DNHD1: variants seen among roughly 807,000 people sequenced by gnomAD.
DNHD1 encodes the protein dynein heavy chain domain-containing protein 1.
A neutral mutation model predicts 458.1 loss-of-function variants in DNHD1; 383 were observed. The ratio of observed to expected loss-of-function variants is 0.84; its 90% CI spans 0.77 to 0.91. The LOEUF (loss-of-function observed/expected upper bound fraction) is 0.91, where lower values mean the gene tolerates loss of function less well. DNHD1 is among the 40% of genes least tolerant of loss of function. The probability of loss-of-function intolerance (pLI) is 0.00; values close to 1 mark genes in which losing one functional copy is unlikely to be tolerated. For synonymous variants in DNHD1, 2,203 were observed against 2,376.9 expected (o/e 0.93, Z 2.13); for missense variants, 5,336 against 5,866.1 (o/e 0.91, Z 2.95).
At chr11:6,521,985 G>A (rs774793521) in intron 10 of DNHD1, among the ~76,000 whole-genome samples, 1 of 152,144 alleles carries the variant, frequency 6.6e-6, no homozygotes, top group Non-Finnish European at 1.5e-5. Flanking sequence ...GCAAAGTGCT[G>A]GGATTACAGG....
chr11:6,537,703 C>T (rs1052932441), intron 14 of DNHD1, among the ~76,000 whole-genome samples: 6 of 152,100 alleles, frequency 3.9e-5, no homozygotes, highest in South Asian at 2.1e-4. Context: ...GAGGCCGAGG[C>T]GGGCGGATCA....
intron 7 of DNHD1, among the ~76,000 whole-genome samples, chr11:6,513,365 T>C (rs1852386175): frequency 6.6e-6 from 1 of 152,222 alleles, no homozygotes; most frequent in African/African-American, 2.4e-5. Flanking sequence ...CTGGTGCCTC[T>C]TTCATTGATA....
chr11:6,516,095 A>G (rs1428271795), intron 7 of DNHD1, among the ~76,000 whole-genome samples: 2 of 151,688 alleles, frequency 1.3e-5, no homozygotes, highest in African/African-American at 2.4e-5. Flanking sequence ...CCAAGACACA[A>G]TAATTTTTTA....
intron 10 of DNHD1, 78 bp from the exon 11 acceptor site, chr11:6,528,444 C>T: frequency 2.2e-5 from 32 of 1,444,242 alleles, no homozygotes; most frequent in Non-Finnish European, 3.0e-5. Flanking sequence ...TGTACACACA[C>T]TGAGGGCAAG....
chr11:6,557,629 C>G lies in DNHD1; in HGVS notation c.8334C>G (p.Asn2778Lys). ...IRQEKGTRAS[N>K]YRLQVRRSFK... ...AAGAGAAAGGCACAAGGGCATCCAA[C>G]TATAGGCTCCAGGTAAGGAGATCAT... The change falls in exon 25 of 43, where the codon AAC becomes AAG. Residue 2778 changes from asparagine to lysine, a missense_variant. Asn to Lys is a moderately conservative substitution (Grantham distance 94). This residue lies in a region of DNHD1 where 3,932 missense variants were observed against 4,365.6 expected (regional missense o/e 0.90). Coordinates refer to ENST00000254579, the MANE Select transcript of DNHD1 (RefSeq NM_144666.3). 4.5e-6 allele frequency: 7 copies of G among 1,551,782 alleles called. No homozygotes were observed. The highest frequency in any genetic ancestry group is 6.1e-6 in the Non-Finnish European group (7 of 1,147,002).
chr11:6,564,116 C>T lies in DNHD1; in HGVS notation c.10276C>T (p.Gln3426Ter). ...CACGCCTATGCGTGCCTGGACTACA[C>T]AGCTCCAGGTAACCATCCCCCTCCC... ...LLTPMRAWTT[Q>*]LQKLKGRCMT... is the part of the protein sequence containing the mutation. The change falls in exon 31 of 43, where the codon CAG (glutamine) becomes TAG (stop). Residue 3426 changes from glutamine to a stop codon, truncating the protein, a stop_gained. Coordinates refer to ENST00000254579, the MANE Select transcript of DNHD1 (RefSeq NM_144666.3). LOFTEE classifies it high-confidence loss of function. 1 of 1,548,250 alleles carries T rather than the reference C, an allele frequency of 6.5e-7. No individual in the cohort carries two copies.
Position 6,567,192 on chromosome 11 carries a change from C to T in DNHD1, c.11683C>T (p.Arg3895Cys), listed in dbSNP as rs372100617. ...GCAGGCTCTGGACAGCATGAAGCCACGTGAGATTAATCACGGGGAGGACCT... is the reference window on the plus strand; with the variant it reads ...GCAGGCTCTGGACAGCATGAAGCCATGTGAGATTAATCACGGGGAGGACCT... ...TKQALDSMKPREINHGEDLAS... is the reference protein window; with the variant it reads ...TKQALDSMKPCEINHGEDLAS... The change falls in exon 36 of 43, where the codon CGT becomes TGT. Residue 3895 changes from arginine (R) to cysteine (C), a missense_variant. Arg to Cys is a radical substitution (Grantham distance 180, BLOSUM62 -3). Around this residue, in one of 4 missense-constraint regions of DNHD1, gnomAD observed 695 missense variants for 804.2 expected, o/e 0.86. Coordinates refer to ENST00000254579, the MANE Select transcript of DNHD1 (RefSeq NM_144666.3). The T allele has an allele frequency of 1.7e-5, 28 of 1,613,928 alleles. No homozygotes were observed. Among genetic ancestry groups the T allele is most frequent in the African/African-American group, 5.3e-5 (4 of 74,932 alleles).
At chr11:6,518,310 C>T (rs1852533254) in intron 7 of DNHD1, among the ~76,000 whole-genome samples, 1 of 152,202 alleles carries the variant, frequency 6.6e-6, no homozygotes, top group East Asian at 1.9e-4. Context: ...GATCCACCCT[C>T]CTTGGTCTTC....
Position 6,509,241 on chromosome 11 carries a change from C to T in DNHD1, c.1204C>T (p.His402Tyr), listed in dbSNP as rs1308013900. The change falls in exon 6 of 43, where the codon CAC becomes TAC. Residue 402 changes from histidine to tyrosine, a missense_variant. His to Tyr is a moderately conservative substitution (Grantham distance 83). Transcript: ENST00000254579. The part of the protein sequence containing the change: ...LENHLLLAVP[H>Y]FGAGLLHISR... Reference sequence around the variant, plus strand: ...GAATCATCTGCTCTTGGCTGTGCCCCACTTTGGAGCTGGGCTACTCCATAT... The same window carrying T: ...GAATCATCTGCTCTTGGCTGTGCCCTACTTTGGAGCTGGGCTACTCCATAT... The T allele has an allele frequency of 1.9e-6, 3 of 1,614,060 alleles. No individual in the cohort carries two copies. The highest frequency in any genetic ancestry group is 2.5e-6 in the Non-Finnish European group (3 of 1,180,042).
Position 6,566,318 on chromosome 11 carries a change from C to T in DNHD1, c.11131C>T (p.Leu3711=). ...GCAATGGCTGCTGCAACGGGAGCAG[C>T]TGAGTCCACCCCAGGTGCAGCCTGG... ...ELQWLLQREQ[L]SPPQVQPGFC... The change falls in exon 34 of 43, where the codon CTG becomes TTG. Residue 3711 remains leucine, a synonymous_variant. Transcript: ENST00000254579. The T allele has an allele frequency of 1.9e-6, 3 of 1,552,382 alleles. No individual in the cohort carries two copies. The highest frequency in any genetic ancestry group is 2.4e-5 in the East Asian group (1 of 40,940).
In DNHD1 at chr11:6,520,023, T is replaced by C; in HGVS notation, c.1706T>C (p.Leu569Pro). The C allele has an allele frequency of 1.9e-6, 3 of 1,614,224 alleles. No individual in the cohort carries two copies. The South Asian group carries it at 3.3e-5, about 18-fold the overall frequency. ...CTGGTCTTTGATGATCATGGTCAAC[T>C]GTCTCATGTGCCCTGTGTTGAAAAT... ...SQLVFDDHGQ[L>P]SHVPCVENMI... The change falls in exon 9 of 43, where the codon CTG (leucine) becomes CCG (proline). Residue 569 changes from leucine (L) to proline (P), a missense_variant. Coordinates refer to ENST00000254579, the MANE Select transcript of DNHD1 (RefSeq NM_144666.3).
At position 6,571,474 on chromosome 11, in the gene DNHD1, A is replaced by C. The variant is rs1853850531; in HGVS notation, c.13911+51A>C. On this transcript the variant is annotated intron_variant, in intron 42 of 42. Coordinates refer to ENST00000254579, the MANE Select transcript of DNHD1 (RefSeq NM_144666.3). The surrounding 1 kb of genome is among the most constrained non-coding windows in gnomAD (Gnocchi z 5.0). ...CGGTTCCAGTCCCCTCGAAGTCTCT[A>C]ATTACACCTCGCAGTTACCCCTTCT... 2 of 1,500,904 alleles carry C rather than the reference A, an allele frequency of 1.3e-6. No homozygotes were observed. The highest frequency in any genetic ancestry group is 2.4e-5 in the East Asian group (1 of 40,978). 93.0% of individuals were successfully genotyped at this position (1,500,904 alleles called of 1,614,324 possible).
At chr11:6,523,376 G>T (rs1852641679) in intron 10 of DNHD1, among the ~76,000 whole-genome samples, 1 of 152,114 alleles carries the variant, frequency 6.6e-6, no homozygotes, top group African/African-American at 2.4e-5. Context: ...ACTGTGAGTA[G>T]ATTTATAGAT....
intron 7 of DNHD1, among the ~76,000 whole-genome samples, chr11:6,512,125 C>G (rs1045496228): frequency 2.0e-5 from 3 of 151,916 alleles, no homozygotes; most frequent in African/African-American, 7.3e-5. Context: ...GCTCTAAACT[C>G]CATCAGAGGA....
intron 18 of DNHD1, among the ~76,000 whole-genome samples, chr11:6,542,787 G>T (rs925534629): frequency 6.6e-6 from 1 of 152,158 alleles, no homozygotes; most frequent in Non-Finnish European, 1.5e-5. Context: ...AACCAAATGA[G>T]GACAAGGATA....
intron 10 of DNHD1, among the ~76,000 whole-genome samples, chr11:6,523,768 C>G: frequency 6.6e-6 from 1 of 152,112 alleles, no homozygotes; most frequent in Non-Finnish European, 1.5e-5. Context: ...GGGAGAGTTA[C>G]TTGAGGCCAG....
Position 6,519,999 on chromosome 11 carries a change from T to G in DNHD1, c.1682T>G (p.Leu561Arg). The G allele has an allele frequency of 1.2e-6, 2 of 1,614,196 alleles. No individual in the cohort carries two copies. Among genetic ancestry groups the G allele is most frequent in the Non-Finnish European group, 1.7e-6 (2 of 1,180,014 alleles). ...CAGAAACCCTTTCTCTCATCACAGCTGGTCTTTGATGATCATGGTCAACTG... is the reference window on the plus strand; with the variant it reads ...CAGAAACCCTTTCTCTCATCACAGCGGGTCTTTGATGATCATGGTCAACTG... Reference protein sequence around the residue: ...PRQKPFLSSQLVFDDHGQLSH... With the variant: ...PRQKPFLSSQRVFDDHGQLSH... Residue 561 changes from leucine (L) to arginine (R), a missense_variant, in exon 9 of 43, where the codon CTG becomes CGG. Transcript: ENST00000254579.
At chr11:6,520,140 C>G in intron 9 of DNHD1, 38 bp downstream of exon 9, 1 of 1,613,892 alleles carries the variant, frequency 6.2e-7, no homozygotes, top group African/African-American at 1.3e-5. Flanking sequence ...TGTGGGAATT[C>G]CCAGTTCCTA....
At chr11:6,538,304 G>T in intron 14 of DNHD1, 79 bp from the exon 15 acceptor site, 2 of 1,298,838 alleles carry the variant, frequency 1.5e-6, no homozygotes, top group Non-Finnish European at 1.1e-6. Context: ...CTGTCATTAT[G>T]GGCTCTTGAC....
Sources: gnomAD v4.1 joint callset for allele counts (sites outside exome capture counted in the v4.1 genomes callset) on GRCh38, gnomAD v4.1.1 for gene constraint, gnomAD v4.1.1 regional missense constraint, Gnocchi (gnomAD v3.1) non-coding constraint, MANE v1.5 for transcripts, NCBI Gene and HGNC (gene_info 2026-07-23, HGNC 2026-07-21) for gene names.